The following SYNDIG1 variants were observed in gnomAD, a reference collection of about 807,000 sequenced individuals.
SYNDIG1 encodes the protein synapse differentiation-inducing gene protein 1.
A neutral mutation model predicts 19.4 loss-of-function variants in SYNDIG1; 9 were observed. The ratio of observed to expected loss-of-function variants is 0.46; its 90% CI spans 0.28 to 0.81. SYNDIG1 has a LOEUF of 0.81. Ranked by LOEUF, SYNDIG1 falls within the 30% of genes least tolerant of loss-of-function variation. The probability of loss-of-function intolerance (pLI) is 0.12; values close to 1 mark genes in which losing one functional copy is unlikely to be tolerated. For synonymous variants in SYNDIG1, 141 were observed against 145.9 expected (o/e 0.97, Z 0.24); for missense variants, 311 against 343.3 (o/e 0.91, Z 0.74).
At chr20:24,547,950 C>A (rs191877936) in intron 2 of SYNDIG1, among the ~76,000 whole-genome samples, 164 of 152,272 alleles carry the variant, frequency 1.1e-3, no homozygotes, top group African/African-American at 3.7e-3. Context: ...ACCTCTCAGA[C>A]CTGAAGTACA....
chr20:24,567,199 A>G (rs749627764), intron 2 of SYNDIG1, among the ~76,000 whole-genome samples: 1 of 151,918 alleles, frequency 6.6e-6, no homozygotes, highest in African/African-American at 2.4e-5. Context: ...GGAAACAGGG[A>G]CTCTCCAGAA....
At chr20:24,592,671 C>T (rs6036845) in intron 3 of SYNDIG1, among the ~76,000 whole-genome samples, 20,781 of 152,110 alleles carry the variant, frequency 0.14, 1,612 homozygotes, top group African/African-American at 0.2. Context: ...TTGAGTGCAG[C>T]GGCACGATCA....
At chr20:24,635,407 C>T (rs1311171825) in intron 3 of SYNDIG1, among the ~76,000 whole-genome samples, 2 of 152,184 alleles carry the variant, frequency 1.3e-5, no homozygotes, top group Admixed American at 6.5e-5. Flanking sequence ...CTCTTCATTC[C>T]TGGTCATCTT....
chr20:24,579,595 G>T (rs1353571904), intron 2 of SYNDIG1, among the ~76,000 whole-genome samples: 1 of 152,210 alleles, frequency 6.6e-6, no homozygotes, highest in African/African-American at 2.4e-5. Flanking sequence ...CACGTGACAG[G>T]CATGGGACAC....
At chr20:24,663,724 G>C (rs1454225977) in intron 3 of SYNDIG1, among the ~76,000 whole-genome samples, 4 of 152,250 alleles carry the variant, frequency 2.6e-5, no homozygotes, top group Admixed American at 2.6e-4. Context: ...AATGAATGCT[G>C]CTGGCAGGTG....
At chr20:24,524,470 C>T (rs1317511596) in intron 1 of SYNDIG1, among the ~76,000 whole-genome samples, 1 of 152,032 alleles carries the variant, frequency 6.6e-6, no homozygotes, top group African/African-American at 2.4e-5. Context: ...AAGGCGAAAC[C>T]CCGTCTCTAC....
chr20:24,503,814 G>A (rs1276489871), intron 1 of SYNDIG1, among the ~76,000 whole-genome samples: 1 of 152,100 alleles, frequency 6.6e-6, no homozygotes, highest in Non-Finnish European at 1.5e-5. Context: ...AAGAACACAG[G>A]CTTCTTCTGG....
chr20:24,527,478 T>C (rs2057149160), intron 1 of SYNDIG1, among the ~76,000 whole-genome samples: 1 of 152,130 alleles, frequency 6.6e-6, no homozygotes, highest in Non-Finnish European at 1.5e-5. Context: ...AAGTCCTTGA[T>C]GGTCCAGAGT....
At chr20:24,572,611 T>A (rs1432365246) in intron 2 of SYNDIG1, among the ~76,000 whole-genome samples, 1 of 152,040 alleles carries the variant, frequency 6.6e-6, no homozygotes, top group Non-Finnish European at 1.5e-5. Flanking sequence ...TGCCCTTGGG[T>A]GGAGGACAGG....
intron 1 of SYNDIG1, among the ~76,000 whole-genome samples, chr20:24,493,489 A>T (rs1044798893): frequency 6.6e-6 from 1 of 152,244 alleles, no homozygotes; most frequent in Non-Finnish European, 1.5e-5. Flanking sequence ...ACACATCCAC[A>T]TGCACACATG....
intron 1 of SYNDIG1, among the ~76,000 whole-genome samples, chr20:24,511,068 T>C (rs1047064211): frequency 2.0e-5 from 3 of 152,202 alleles, no homozygotes; most frequent in African/African-American, 7.2e-5. Flanking sequence ...GTGGATTTGG[T>C]TTCTCCTTGT....
At chr20:24,613,794 C>T (rs2058885690) in intron 3 of SYNDIG1, among the ~76,000 whole-genome samples, 1 of 152,164 alleles carries the variant, frequency 6.6e-6, no homozygotes, top group South Asian at 2.1e-4. Flanking sequence ...AGGACAAGGG[C>T]ATAAATGGCA....
intron 2 of SYNDIG1, among the ~76,000 whole-genome samples, chr20:24,566,845 T>A (rs960407207): frequency 9.9e-5 from 15 of 152,016 alleles, no homozygotes; most frequent in Non-Finnish European, 1.9e-4. Context: ...GGACTGAGAG[T>A]CTGCATTCCT....
chr20:24,591,664 A>C (rs1250894873), intron 3 of SYNDIG1, among the ~76,000 whole-genome samples: 1 of 152,166 alleles, frequency 6.6e-6, no homozygotes, highest in Non-Finnish European at 1.5e-5. Context: ...TTAGGGGAGC[A>C]ATAAAAAGCC....
chr20:24,580,951 G>C (rs758951480), intron 2 of SYNDIG1, among the ~76,000 whole-genome samples: 1 of 152,226 alleles, frequency 6.6e-6, no homozygotes, highest in African/African-American at 2.4e-5. Context: ...GGTTCCCCAA[G>C]CGTTGACTAA....
intron 1 of SYNDIG1, among the ~76,000 whole-genome samples, chr20:24,501,873 C>T (rs1398060229): frequency 1.3e-5 from 2 of 152,208 alleles, no homozygotes; most frequent in Non-Finnish European, 2.9e-5. Flanking sequence ...CTCACCTCTG[C>T]AGGCCCCGAG....
intron 2 of SYNDIG1, among the ~76,000 whole-genome samples, chr20:24,582,131 G>A (rs1297101917): frequency 4.7e-5 from 4 of 85,928 alleles, no homozygotes; most frequent in African/African-American, 9.3e-5. Flanking sequence ...CCCCCTTCAC[G>A]TCCTCCCTGC....
intron 1 of SYNDIG1, among the ~76,000 whole-genome samples, chr20:24,512,224 A>G (rs1176075086): frequency 6.8e-6 from 1 of 147,970 alleles, no homozygotes; most frequent in African/African-American, 2.5e-5. Context: ...GATGAAGAAG[A>G]TGGGTGATTT....
chr20:24,542,693 G>A (rs1423020222), intron 1 of SYNDIG1, among the ~76,000 whole-genome samples: 1 of 150,286 alleles, frequency 6.7e-6, no homozygotes, highest in Non-Finnish European at 1.5e-5. Flanking sequence ...ATGCTAATGC[G>A]ATTGGGTTTA....
Sources: allele counts gnomAD v4.1 joint callset (sites outside exome capture counted in the v4.1 genomes callset), GRCh38; gene constraint gnomAD v4.1.1; transcripts MANE v1.5; gene names NCBI Gene and HGNC (gene_info 2026-07-23, HGNC 2026-07-21).